The following PACRG variants were observed in gnomAD, a reference collection of about 807,000 sequenced individuals.
The protein encoded by PACRG is parkin coregulated, also known as parkin coregulated gene protein.
A neutral mutation model predicts 29.7 loss-of-function variants in PACRG; 29 were observed. The observed-to-expected ratio is 0.98, with a 90% CI of 0.73 to 1.33. The LOEUF is 1.33. PACRG is among the 40% of genes most tolerant of loss of function. The pLI, the probability that PACRG is intolerant of heterozygous loss-of-function variation, is 0.00. For synonymous variants in PACRG, 116 were observed against 118.7 expected, an observed-to-expected ratio of 0.98 and a Z score of 0.15; for missense variants, 279 against 316.2, an observed-to-expected ratio of 0.88 and a Z score of 0.89.
intron 1 of PACRG, among the ~76,000 whole-genome samples, chr6:162,762,987 C>T (rs1782494847): frequency 6.6e-6 from 1 of 152,126 alleles, no homozygotes; most frequent in Admixed American, 6.5e-5. Context: ...TAAAAACATC[C>T]ACTCAAATGC....
intron 2 of PACRG, among the ~76,000 whole-genome samples, chr6:162,992,892 C>G (rs1401607513): frequency 1.3e-5 from 2 of 151,200 alleles, no homozygotes; most frequent in East Asian, 3.9e-4. Context: ...CTATAAATTT[C>G]CCTCTACACA....
intron 4 of PACRG, among the ~76,000 whole-genome samples, chr6:163,293,295 C>A (rs1010321787): frequency 6.6e-6 from 1 of 152,172 alleles, no homozygotes; most frequent in Admixed American, 6.5e-5. Context: ...TATATGTGCA[C>A]GTGCCAGAGT....
intron 3 of PACRG, among the ~76,000 whole-genome samples, chr6:163,086,143 A>T (rs1813537565): frequency 6.6e-6 from 1 of 151,552 alleles, no homozygotes; most frequent in Non-Finnish European, 1.5e-5. Flanking sequence ...CCCAATCCTT[A>T]GAACATTTCT....
chr6:163,234,136 C>G (rs1301133488), intron 4 of PACRG, among the ~76,000 whole-genome samples: 1 of 152,134 alleles, frequency 6.6e-6, no homozygotes, highest in Non-Finnish European at 1.5e-5. Flanking sequence ...GGGTGCAGTT[C>G]TGAGTCTCAC....
intron 1 of PACRG, among the ~76,000 whole-genome samples, chr6:162,787,582 G>GTGTGTATATATATATA (rs1198197561): frequency 3.2e-5 from 2 of 62,412 alleles, no homozygotes; most frequent in African/African-American, 6.0e-5. Flanking sequence ...GTGTGTGTGT[G>GTGTGTATATATATATA]TATATATATA....
intron 2 of PACRG, among the ~76,000 whole-genome samples, chr6:162,988,411 G>A (rs1265987869): frequency 6.6e-6 from 1 of 152,284 alleles, no homozygotes; most frequent in Admixed American, 6.5e-5. Context: ...CAGTAGCAAT[G>A]AAGCCGGACA....
chr6:162,906,542 C>G (rs1795945278), intron 2 of PACRG, among the ~76,000 whole-genome samples: 1 of 152,154 alleles, frequency 6.6e-6, no homozygotes, highest in African/African-American at 2.4e-5. Context: ...TGACAGAAAA[C>G]TTAATATTGG....
intron 2 of PACRG, among the ~76,000 whole-genome samples, chr6:162,964,525 A>G (rs773553929): frequency 6.6e-6 from 1 of 152,180 alleles, no homozygotes; most frequent in Non-Finnish European, 1.5e-5. Flanking sequence ...ATGGCCTATG[A>G]AGGCTGGAAG....
intron 2 of PACRG, among the ~76,000 whole-genome samples, chr6:162,970,784 T>C (rs1238982372): frequency 6.6e-6 from 1 of 152,084 alleles, no homozygotes; most frequent in Non-Finnish European, 1.5e-5. Flanking sequence ...CTCATCACAA[T>C]TCAGATCCCA....
At chr6:163,133,449 A>G (rs949637600) in intron 4 of PACRG, among the ~76,000 whole-genome samples, 33 of 152,252 alleles carry the variant, frequency 2.2e-4, no homozygotes, top group African/African-American at 7.5e-4. Flanking sequence ...AAGCAAAAGA[A>G]GTCTGATTCA....
intron 4 of PACRG, among the ~76,000 whole-genome samples, chr6:163,105,449 A>G (rs1815329431): frequency 6.6e-6 from 1 of 152,196 alleles, no homozygotes; most frequent in Non-Finnish European, 1.5e-5. Flanking sequence ...TATGCAGTTA[A>G]TATTATCAGC....
chr6:163,261,146 G>A (rs116058806), intron 4 of PACRG, among the ~76,000 whole-genome samples: 1,641 of 152,068 alleles, frequency 0.011, 29 homozygotes, highest in African/African-American at 0.038. Context: ...CTGTCTTCCC[G>A]GCTCCCCATG....
At chr6:162,837,235 T>G (rs540454298) in intron 2 of PACRG, among the ~76,000 whole-genome samples, 26 of 152,246 alleles carry the variant, frequency 1.7e-4, no homozygotes, top group Admixed American at 8.5e-4. Context: ...AGTCTATGTT[T>G]CAGGCACTAA....
intron 2 of PACRG, among the ~76,000 whole-genome samples, chr6:163,010,047 A>G (rs968857788): frequency 2.0e-5 from 3 of 151,600 alleles, no homozygotes; most frequent in Non-Finnish European, 2.9e-5. Flanking sequence ...ATTCAAAATC[A>G]TTTTGAAGAT....
chr6:163,196,518 C>T (rs1378594769), intron 4 of PACRG, among the ~76,000 whole-genome samples: 2 of 152,164 alleles, frequency 1.3e-5, no homozygotes, highest in African/African-American at 4.8e-5. Flanking sequence ...CAACATTAGG[C>T]AACACAGTGT....
intron 4 of PACRG, among the ~76,000 whole-genome samples, chr6:163,248,201 AG>A (rs1255365675): frequency 6.6e-6 from 1 of 152,210 alleles, no homozygotes; most frequent in East Asian, 1.9e-4. Flanking sequence ...TGGGGTGAGG[AG>A]CCTGTCACAA....
At chr6:162,932,470 C>T (rs1797924868) in intron 2 of PACRG, among the ~76,000 whole-genome samples, 1 of 151,840 alleles carries the variant, frequency 6.6e-6, no homozygotes, top group Non-Finnish European at 1.5e-5. Flanking sequence ...GGTTTTAGTT[C>T]TTTAAACATT....
intron 1 of PACRG, among the ~76,000 whole-genome samples, chr6:162,804,082 A>G (rs1055554327): frequency 6.6e-6 from 1 of 152,198 alleles, no homozygotes; most frequent in Non-Finnish European, 1.5e-5. Context: ...CACTAAATGG[A>G]AAGGACATAA....
chr6:163,302,495 C>A (rs1466446422), intron 4 of PACRG, among the ~76,000 whole-genome samples: 1 of 152,140 alleles, frequency 6.6e-6, no homozygotes, highest in African/African-American at 2.4e-5. Context: ...TTGTAAAAGG[C>A]GTGATGGATT....
Sources: gnomAD v4.1 joint callset for allele counts (sites outside exome capture counted in the v4.1 genomes callset) on GRCh38, gnomAD v4.1.1 for gene constraint, MANE v1.5 for transcripts, NCBI Gene and HGNC (gene_info 2026-07-23, HGNC 2026-07-21) for gene names.